SCNN1B: variants seen among roughly 807,000 people sequenced by gnomAD.
SCNN1B encodes sodium channel epithelial 1 subunit beta, also known as epithelial sodium channel subunit beta.
In SCNN1B, 46 loss-of-function variants were observed where a neutral mutation model predicts 65.3. The observed-to-expected ratio is 0.70, with a 90% CI of 0.56 to 0.90. The LOEUF (loss-of-function observed/expected upper bound fraction) is 0.90, where lower values mean the gene tolerates loss of function less well. Ranked by LOEUF, SCNN1B falls within the 40% of genes least tolerant of loss-of-function variation. The probability of loss-of-function intolerance (pLI) is 0.00; values close to 1 mark genes in which losing one functional copy is unlikely to be tolerated. For missense variants in SCNN1B, 751 were observed against 830.5 expected (o/e 0.90, Z 1.18); for synonymous variants, 349 against 330.6 (o/e 1.06, Z -0.60).
chr16:23,359,567 C>G (rs1034020234), intron 4 of SCNN1B, among the ~76,000 whole-genome samples: 4 of 152,156 alleles, frequency 2.6e-5, no homozygotes, highest in African/African-American at 9.7e-5. Context: ...TCTCTGCTCT[C>G]CCGGTGCTGG....
intron 1 of SCNN1B, among the ~76,000 whole-genome samples, chr16:23,322,860 T>G (rs1048513089): frequency 1.8e-4 from 27 of 152,042 alleles, no homozygotes; most frequent in African/African-American, 6.5e-4. Context: ...TGGTCTTAAC[T>G]CCATCCACAT....
chr16:23,296,543 C>T (rs1291401358), intron 2 of SCNN1B, among the ~76,000 whole-genome samples: 1 of 152,024 alleles, frequency 6.6e-6, no homozygotes, highest in East Asian at 1.9e-4. Flanking sequence ...AGGGCAAGTT[C>T]CTTGACACCT....
intron 2 of SCNN1B, among the ~76,000 whole-genome samples, chr16:23,294,007 T>G (rs898612898): frequency 1.3e-5 from 2 of 152,084 alleles, no homozygotes; most frequent in African/African-American, 4.8e-5. Context: ...ATAAAAAATT[T>G]TCCAGTCAGA....
intron 7 of SCNN1B, among the ~76,000 whole-genome samples, chr16:23,373,919 C>A (rs971988198): frequency 1.3e-5 from 2 of 152,182 alleles, no homozygotes; most frequent in African/African-American, 4.8e-5. Flanking sequence ...AGGAAAACTG[C>A]ATCTCTCGTT....
At chr16:23,279,227 C>G (rs1021584189) in intron 1 of SCNN1B, among the ~76,000 whole-genome samples, 2 of 151,994 alleles carry the variant, frequency 1.3e-5, no homozygotes, top group African/African-American at 4.8e-5. Flanking sequence ...TTACAGGTGC[C>G]CACCACCACG....
chr16:23,370,602 C>T (rs1962761778), intron 5 of SCNN1B, among the ~76,000 whole-genome samples: 1 of 152,172 alleles, frequency 6.6e-6, no homozygotes, highest in Non-Finnish European at 1.5e-5. Flanking sequence ...AGCAATCACA[C>T]AAATGAGGCA....
chr16:23,323,515 A>G (rs372611167), intron 1 of SCNN1B: 7 of 702,784 alleles, frequency 1.0e-5, no homozygotes, highest in Non-Finnish European at 7.8e-6. Context: ...CTTCACATCA[A>G]CTCAATGAAC....
chr16:23,347,526 T>C (rs1294947055), intron 1 of SCNN1B, among the ~76,000 whole-genome samples: 1 of 152,188 alleles, frequency 6.6e-6, no homozygotes, highest in Non-Finnish European at 1.5e-5. Context: ...CTATTTCTGG[T>C]CACAAAAAAA....
At chr16:23,343,466 AAAAG>A (rs1309866080) in intron 1 of SCNN1B, among the ~76,000 whole-genome samples, 2 of 104,386 alleles carry the variant, frequency 1.9e-5, no homozygotes, top group East Asian at 2.4e-4. Flanking sequence ...TAAAAAAAGG[AAAAG>A]AAAGAAAGGA....
At chr16:23,362,812 G>A (rs752381232) in intron 4 of SCNN1B, among the ~76,000 whole-genome samples, 53 of 152,238 alleles carry the variant, frequency 3.5e-4, no homozygotes, top group Non-Finnish European at 5.9e-4. Context: ...GCCCTGGGGC[G>A]AGGTCTCTCC....
intron 11 of SCNN1B, 115 bp downstream of exon 11, chr16:23,378,882 G>A (rs927930027): frequency 2.1e-6 from 2 of 945,928 alleles, no homozygotes; most frequent in African/African-American, 1.6e-5. Flanking sequence ...GTCAGACCGA[G>A]GAGCAAGTCT....
chr16:23,310,063 T>C (rs977821198), intron 1 of SCNN1B, among the ~76,000 whole-genome samples: 36 of 152,024 alleles, frequency 2.4e-4, no homozygotes, highest in African/African-American at 8.2e-4. Context: ...CCTCCACACA[T>C]CCTCTTTGAA....
Position 23,380,097 on chromosome 16 carries a change from G to T in SCNN1B, c.1470G>T (p.Lys490Asn). The T allele has an allele frequency of 1.2e-6, 2 of 1,613,860 alleles. No homozygotes were observed. The highest frequency in any genetic ancestry group is 1.7e-6 in the Non-Finnish European group (2 of 1,179,756). The change falls in exon 12 of 13, where the codon AAG becomes AAT. Residue 490 changes from lysine to asparagine, a missense_variant. Lys to Asn is a moderately conservative substitution (Grantham distance 94, BLOSUM62 0). Coordinates refer to ENST00000343070, the MANE Select transcript of SCNN1B (RefSeq NM_000336.3). This position sits in a 1 kb window ranked among gnomAD's most constrained non-coding sequence, Gnocchi z 5.4. Reference sequence around the variant, plus strand: ...CCCTTCTCGCTGCCTCCTGCAGGAAGGGAATTGTCAAGCTCAACATCTACT... The same window carrying T: ...CCCTTCTCGCTGCCTCCTGCAGGAATGGAATTGTCAAGCTCAACATCTACT... Reference protein sequence around the residue: ...DQSTNITLSRKGIVKLNIYFQ... With the variant: ...DQSTNITLSRNGIVKLNIYFQ...
intron 1 of SCNN1B, among the ~76,000 whole-genome samples, chr16:23,278,931 A>G (rs1960744102): frequency 6.6e-6 from 1 of 151,766 alleles, no homozygotes; most frequent in East Asian, 1.9e-4. Flanking sequence ...CAGAGTGAGA[A>G]CTTGCCTCTA....
intron 1 of SCNN1B, among the ~76,000 whole-genome samples, chr16:23,307,075 C>T (rs1272778904): frequency 1.3e-5 from 2 of 152,112 alleles, no homozygotes; most frequent in African/African-American, 4.8e-5. Context: ...GTCAGTGGTA[C>T]AGCTGGAGTT....
chr16:23,325,284 G>A (rs28463546), intron 1 of SCNN1B, among the ~76,000 whole-genome samples: 29,132 of 151,108 alleles, frequency 0.19, 3,171 homozygotes, highest in Middle Eastern at 0.29. Flanking sequence ...TCTTTTTTTT[G>A]AGTCTGGAGT....
At chr16:23,366,593 GT>G (rs1962674532) in intron 4 of SCNN1B, among the ~76,000 whole-genome samples, 1 of 152,066 alleles carries the variant, frequency 6.6e-6, no homozygotes, top group Non-Finnish European at 1.5e-5. Context: ...AATTAGCCGG[GT>G]GTGGTGGCGG....
intron 1 of SCNN1B, among the ~76,000 whole-genome samples, chr16:23,345,361 T>A (rs1261294962): frequency 1.3e-5 from 2 of 152,198 alleles, no homozygotes; most frequent in African/African-American, 4.8e-5. Context: ...TGGGTGCAAA[T>A]GGCAGGCATC....
chr16:23,303,876 A>G, intron 1 of SCNN1B: 1 of 629,286 alleles, frequency 1.6e-6, no homozygotes, highest in East Asian at 2.8e-5. Flanking sequence ...CTGAGATGGC[A>G]CCATTGCACT....
Sources: gnomAD v4.1 joint callset for allele counts (sites outside exome capture counted in the v4.1 genomes callset) on GRCh38, gnomAD v4.1.1 for gene constraint, Gnocchi (gnomAD v3.1) non-coding constraint, MANE v1.5 for transcripts, NCBI Gene and HGNC (gene_info 2026-07-23, HGNC 2026-07-21) for gene names.